The following ADAMTSL3 variants were observed in gnomAD, a reference collection of about 807,000 sequenced individuals.
ADAMTSL3 encodes ADAMTS-like protein 3.
A neutral mutation model predicts 201.7 loss-of-function variants in ADAMTSL3; 128 were observed. The observed-to-expected ratio is 0.63, with a 90% CI of 0.55 to 0.73. The LOEUF (loss-of-function observed/expected upper bound fraction) is 0.73, where lower values mean the gene tolerates loss of function less well. Ranked by LOEUF, ADAMTSL3 falls within the 30% of genes least tolerant of loss-of-function variation. The pLI is 0.00. For missense variants in ADAMTSL3, 1,990 were observed against 2,119.6 expected, an observed-to-expected ratio of 0.94 and a Z score of 1.20; for synonymous variants, 738 against 748.4, an observed-to-expected ratio of 0.99 and a Z score of 0.23.
chr15:83,858,741 G>C (rs2064793725), intron 7 of ADAMTSL3, 25 bp from the exon 8 acceptor site: 1 of 1,590,662 alleles, frequency 6.3e-7, no homozygotes. Context: ...TGGTTTTATT[G>C]CAGTTGCGTT....
At chr15:83,732,014 A>C (rs2141607723) in intron 3 of ADAMTSL3, among the ~76,000 whole-genome samples, 1 of 149,260 alleles carries the variant, frequency 6.7e-6, no homozygotes, top group South Asian at 2.1e-4. Flanking sequence ...TATATACTGG[A>C]AATTTGCTAT....
At chr15:83,891,020 T>G (rs1235395408) in intron 11 of ADAMTSL3, 3 of 197,920 alleles carry the variant, frequency 1.5e-5, no homozygotes, top group Non-Finnish European at 2.1e-5. Flanking sequence ...CACTAATATA[T>G]TAAGAGAGTA....
Position 83,895,436 on chromosome 15 carries a change from A to G in ADAMTSL3, c.1468-2422A>G, listed in dbSNP as rs1443366247. Among the ~76,000 whole-genome samples, 3 of 152,162 alleles carry G rather than the reference A, an allele frequency of 2.0e-5. No homozygotes were observed. The East Asian group carries it at 5.8e-4, about 29-fold the overall frequency. ...CCATCCCCATAAATATCATGACTTT[A>G]TCATTATGTATATTATCAGAATAGA... is the stretch of plus-strand genomic sequence containing the variant. On this transcript the variant is annotated intron_variant, in intron 13 of 29. Coordinates refer to ENST00000286744, the MANE Select transcript of ADAMTSL3 (RefSeq NM_207517.3).
intron 6 of ADAMTSL3, among the ~76,000 whole-genome samples, chr15:83,836,387 A>G (rs747492265): frequency 6.6e-6 from 1 of 152,238 alleles, no homozygotes; most frequent in Non-Finnish European, 1.5e-5. Context: ...ATTTGAAAAT[A>G]TCTCTAATCA....
chr15:83,798,298 T>C (rs975493388), intron 4 of ADAMTSL3, among the ~76,000 whole-genome samples: 2 of 152,224 alleles, frequency 1.3e-5, no homozygotes, highest in African/African-American at 4.8e-5. Context: ...GCCTGCTCCC[T>C]GAGCTCATCT....
chr15:83,973,692 G>A (rs1291901246), intron 20 of ADAMTSL3, among the ~76,000 whole-genome samples: 1 of 152,002 alleles, frequency 6.6e-6, no homozygotes, highest in Non-Finnish European at 1.5e-5. Context: ...CATTCCATTA[G>A]GAATATCAAG....
chr15:83,657,989 C>T (rs2061114179), intron 2 of ADAMTSL3, among the ~76,000 whole-genome samples: 2 of 152,150 alleles, frequency 1.3e-5, no homozygotes, highest in Admixed American at 6.5e-5. Context: ...TGTTCCCTGG[C>T]GTCTACCCTT....
chr15:83,933,016 C>G (rs1005413256), intron 17 of ADAMTSL3, among the ~76,000 whole-genome samples: 5 of 152,120 alleles, frequency 3.3e-5, no homozygotes, highest in African/African-American at 4.8e-5. Context: ...TTAGAAGAAC[C>G]AATTATCACA....
At chr15:83,892,390 C>T (rs2065521500) in intron 12 of ADAMTSL3, among the ~76,000 whole-genome samples, 1 of 151,360 alleles carries the variant, frequency 6.6e-6, no homozygotes, top group African/African-American at 2.4e-5. Context: ...ATTAGCCGGG[C>T]GTGGTGGCGC....
chr15:83,728,965 T>C (rs1372314568), intron 3 of ADAMTSL3, among the ~76,000 whole-genome samples: 1 of 152,112 alleles, frequency 6.6e-6, no homozygotes, highest in Non-Finnish European at 1.5e-5. Context: ...TCAGTTTTTG[T>C]TTGTCTGGGA....
chr15:83,942,852 C>A, intron 18 of ADAMTSL3, 51 bp from the exon 19 acceptor site: 1 of 1,606,208 alleles, frequency 6.2e-7, no homozygotes. Context: ...CTGCACTGCA[C>A]TAACATAGAG....
chr15:83,840,670 G>T (rs1347670319), intron 7 of ADAMTSL3, among the ~76,000 whole-genome samples: 3 of 152,194 alleles, frequency 2.0e-5, no homozygotes. Flanking sequence ...TAGAGGAGTA[G>T]CTGTAAGGGC....
chr15:83,750,684 T>A (rs2062624222), intron 3 of ADAMTSL3, among the ~76,000 whole-genome samples: 1 of 152,122 alleles, frequency 6.6e-6, no homozygotes, highest in Non-Finnish European at 1.5e-5. Context: ...CCCGAATAGC[T>A]GGGACTACAG....
chr15:83,985,631 CT>C (rs964659936), intron 21 of ADAMTSL3, among the ~76,000 whole-genome samples: 1 of 151,578 alleles, frequency 6.6e-6, no homozygotes, highest in East Asian at 1.9e-4. Context: ...AAAGACATTT[CT>C]TTTTTTTTCT....
intron 23 of ADAMTSL3, among the ~76,000 whole-genome samples, chr15:83,992,331 T>C (rs898003000): frequency 2.6e-5 from 4 of 152,196 alleles, no homozygotes; most frequent in East Asian, 1.9e-4. Context: ...CCCCAAGATA[T>C]TGTTTTTCAC....
chr15:83,992,073 A>G (rs2067591429), intron 23 of ADAMTSL3, among the ~76,000 whole-genome samples: 1 of 152,118 alleles, frequency 6.6e-6, no homozygotes, highest in South Asian at 2.1e-4. Context: ...CTAGCTTCCA[A>G]GTTCTAATTA....
At chr15:83,826,499 C>CT (rs928834859) in intron 6 of ADAMTSL3, among the ~76,000 whole-genome samples, 4 of 136,462 alleles carry the variant, frequency 2.9e-5, no homozygotes, top group Non-Finnish European at 4.9e-5. Flanking sequence ...TTTTTTATTT[C>CT]TTTTTTTATA....
intron 19 of ADAMTSL3, 30 bp downstream of exon 19, chr15:83,943,112 T>A: frequency 6.4e-7 from 1 of 1,563,782 alleles, no homozygotes; most frequent in Non-Finnish European, 8.6e-7. Context: ...TTATAGTCCC[T>A]TCTTTTCTGC....
At chr15:83,676,809 T>G (rs984449479) in intron 2 of ADAMTSL3, among the ~76,000 whole-genome samples, 5 of 152,338 alleles carry the variant, frequency 3.3e-5, no homozygotes, top group Admixed American at 6.5e-5. Context: ...AAGGCGCTTG[T>G]TTGCCCCTTC....
Sources: gnomAD v4.1 joint callset for allele counts (sites outside exome capture counted in the v4.1 genomes callset) on GRCh38, gnomAD v4.1.1 for gene constraint, MANE v1.5 for transcripts, NCBI Gene and HGNC (gene_info 2026-07-23, HGNC 2026-07-21) for gene names.